Variants in DLST observed in about 807,000 individuals in gnomAD.
DLST encodes dihydrolipoyllysine-residue succinyltransferase component of 2-oxoglutarate dehydrogenase complex, mitochondrial.
A neutral mutation model predicts 53.1 loss-of-function variants in DLST; 17 were observed. The observed-to-expected ratio is 0.32, with a 90% CI of 0.22 to 0.48. DLST has a LOEUF of 0.48. DLST is among the 20% of genes least tolerant of loss of function. The pLI is 0.99. For synonymous variants in DLST, 206 were observed against 204.8 expected (o/e 1.01, Z -0.05); for missense variants, 512 against 583.9 (o/e 0.88, Z 1.27).
chr14:74,898,782 C>T (rs1566795114), intron 11 of DLST, among the ~76,000 whole-genome samples: 1 of 152,202 alleles, frequency 6.6e-6, no homozygotes, highest in African/African-American at 2.4e-5. Flanking sequence ...AGGCTGTCTC[C>T]TGTCAAGGTG....
At chr14:74,897,021 C>A (rs1884095592) in intron 10 of DLST, among the ~76,000 whole-genome samples, 1 of 152,170 alleles carries the variant, frequency 6.6e-6, no homozygotes, top group Non-Finnish European at 1.5e-5. Flanking sequence ...TTGTCCCAGC[C>A]TTTGCCTCCA....
At chr14:74,897,996 G>A (rs115159305) in intron 10 of DLST, among the ~76,000 whole-genome samples, 36 of 148,132 alleles carry the variant, frequency 2.4e-4, no homozygotes, top group African/African-American at 8.5e-4. Flanking sequence ...TTATTTTGTA[G>A]ATTTTGTTTA....
At chr14:74,883,624 C>T (rs952027002) in intron 2 of DLST, among the ~76,000 whole-genome samples, 1 of 152,110 alleles carries the variant, frequency 6.6e-6, no homozygotes, top group Non-Finnish European at 1.5e-5. Flanking sequence ...TTTCTTTGTG[C>T]CAAGCATTTA....
intron 13 of DLST, among the ~76,000 whole-genome samples, chr14:74,900,660 G>A (rs776008363): frequency 1.7e-4 from 26 of 152,206 alleles, no homozygotes; most frequent in Non-Finnish European, 2.9e-4. Flanking sequence ...CACCTTAGCC[G>A]AACAACTGTC....
At chr14:74,888,274 G>GTTT (rs55729619) in intron 3 of DLST, among the ~76,000 whole-genome samples, 1 of 131,738 alleles carries the variant, frequency 7.6e-6, no homozygotes, top group Non-Finnish European at 1.6e-5. Flanking sequence ...TTGTTTTTGG[G>GTTT]TTTTTTTTTT....
intron 6 of DLST, among the ~76,000 whole-genome samples, chr14:74,890,819 A>G (rs1035991011): frequency 6.6e-6 from 1 of 152,174 alleles, no homozygotes; most frequent in African/African-American, 2.4e-5. Context: ...CTCGTGCCTC[A>G]GCCTCCCAAG....
chr14:74,888,081 T>A (rs1883768194), intron 3 of DLST, among the ~76,000 whole-genome samples: 1 of 152,168 alleles, frequency 6.6e-6, no homozygotes, highest in Non-Finnish European at 1.5e-5. Flanking sequence ...TAACCACTGT[T>A]AATGGCTTTG....
chr14:74,882,366 C>G (rs954723036), intron 1 of DLST, among the ~76,000 whole-genome samples: 17 of 152,188 alleles, frequency 1.1e-4, no homozygotes, highest in African/African-American at 3.9e-4. Context: ...TCGTCTTGCT[C>G]TGTTAAAATC....
intron 7 of DLST, 80 bp downstream of exon 7, chr14:74,891,247 G>T (rs574660887): frequency 1.9e-6 from 3 of 1,592,304 alleles, no homozygotes; most frequent in South Asian, 2.2e-5. Context: ...CTAATTCCCC[G>T]ATATGTCAAA....
intron 2 of DLST, among the ~76,000 whole-genome samples, chr14:74,884,184 T>C (rs1052896997): frequency 6.6e-6 from 1 of 152,154 alleles, no homozygotes; most frequent in African/African-American, 2.4e-5. Context: ...ACTTGACCAG[T>C]GATAGACATG....
chr14:74,889,545 A>AT, intron 5 of DLST, 196 bp downstream of exon 5: 1 of 563,784 alleles, frequency 1.8e-6, no homozygotes, highest in East Asian at 3.1e-5. Flanking sequence ...AGTTTTTTGT[A>AT]TTTTTAGTAG....
intron 2 of DLST, among the ~76,000 whole-genome samples, chr14:74,882,979 C>G (rs1883580788): frequency 1.3e-5 from 2 of 152,176 alleles, no homozygotes; most frequent in Non-Finnish European, 1.5e-5. Context: ...CAGAAGAGCC[C>G]TTTTTGAGGA....
chr14:74,892,094 T>C (rs1325128672), intron 7 of DLST: 3 of 156,214 alleles, frequency 1.9e-5, no homozygotes, highest in Admixed American at 6.5e-5. Context: ...ATGACTATTT[T>C]ATTTTTTGAG....
intron 9 of DLST, 128 bp downstream of exon 9, chr14:74,893,552 T>G: frequency 2.0e-6 from 2 of 982,826 alleles, no homozygotes; most frequent in East Asian, 2.5e-5. Context: ...TAAAGGGAGT[T>G]TAGGATATAA....
At position 74,891,203 on chromosome 14, in the gene DLST, G is replaced by A. The variant is rs1883895153; in HGVS notation, c.442+36G>A. 5.0e-6 allele frequency: 8 copies of A among 1,613,626 alleles called. No homozygotes were observed. The East Asian group carries it at 1.8e-4, about 36-fold the overall frequency. On this transcript the variant is annotated intron_variant, in intron 7 of 14. Coordinates refer to ENST00000334220, the MANE Select transcript of DLST (RefSeq NM_001933.5). ...TCTCCTGGTGGTCAAGGTCTCCAGTGTTCCCTCTTGGGATTGGGACTGAGC... is the reference window on the plus strand; with the variant it reads ...TCTCCTGGTGGTCAAGGTCTCCAGTATTCCCTCTTGGGATTGGGACTGAGC...
At chr14:74,884,665 C>T (rs1883642895) in intron 2 of DLST, among the ~76,000 whole-genome samples, 1 of 152,148 alleles carries the variant, frequency 6.6e-6, no homozygotes, top group Admixed American at 6.6e-5. Flanking sequence ...TCAGTGTGAG[C>T]CGCCATCTAT....
chr14:74,899,274 C>T (rs979093892), intron 11 of DLST, among the ~76,000 whole-genome samples: 5 of 151,930 alleles, frequency 3.3e-5, no homozygotes, highest in Non-Finnish European at 7.4e-5. Context: ...CACATGTAGG[C>T]GGCTCTCAAA....
intron 13 of DLST, among the ~76,000 whole-genome samples, chr14:74,900,690 T>G (rs1884217199): frequency 6.6e-6 from 1 of 152,240 alleles, no homozygotes; most frequent in African/African-American, 2.4e-5. Flanking sequence ...CTAGCGCTTG[T>G]GCCATCGATC....
At chr14:74,897,232 C>T (rs2140200097) in intron 10 of DLST, among the ~76,000 whole-genome samples, 1 of 152,192 alleles carries the variant, frequency 6.6e-6, no homozygotes, top group East Asian at 1.9e-4. Flanking sequence ...CCAATCAGTC[C>T]CCCTTGGAAA....
Sources: allele counts gnomAD v4.1 joint callset (sites outside exome capture counted in the v4.1 genomes callset), GRCh38; gene constraint gnomAD v4.1.1; transcripts MANE v1.5; gene names NCBI Gene and HGNC (gene_info 2026-07-23, HGNC 2026-07-21).